Variants in HMCN1 observed in about 807,000 individuals in gnomAD.
HMCN1 encodes hemicentin-1.
HMCN1 carries 321 observed loss-of-function variants against 625.9 expected under a neutral mutation model. The observed-to-expected ratio is 0.51, with a 90% CI of 0.47 to 0.56. HMCN1 has a LOEUF of 0.56. Ranked by LOEUF, HMCN1 falls within the 20% of genes least tolerant of loss-of-function variation. The probability of loss-of-function intolerance (pLI) is 0.00; values close to 1 mark genes in which losing one functional copy is unlikely to be tolerated. For missense variants in HMCN1, 6,588 were observed against 6,887.3 expected (o/e 0.96, Z 1.54); for synonymous variants, 2,425 against 2,417.6 (o/e 1.00, Z -0.09).
At chr1:185,915,644 T>G (rs1352618553) in intron 6 of HMCN1, among the ~76,000 whole-genome samples, 1 of 152,050 alleles carries the variant, frequency 6.6e-6, no homozygotes, top group Non-Finnish European at 1.5e-5. Context: ...TATTTTGGTT[T>G]TGGATAGTTA....
chr1:185,845,349 C>T (rs1422964380), intron 1 of HMCN1, among the ~76,000 whole-genome samples: 2 of 152,162 alleles, frequency 1.3e-5, no homozygotes, highest in Admixed American at 1.3e-4. Flanking sequence ...TCCTGAGTAG[C>T]TGGGACTACA....
chr1:185,907,927 C>A (rs189040460), intron 4 of HMCN1, among the ~76,000 whole-genome samples: 3 of 151,662 alleles, frequency 2.0e-5, no homozygotes, highest in Non-Finnish European at 2.9e-5. Flanking sequence ...ATTTCATTGA[C>A]ATTAGTATAT....
At chr1:185,909,852 A>G (rs1197255341) in intron 5 of HMCN1, among the ~76,000 whole-genome samples, 1 of 152,134 alleles carries the variant, frequency 6.6e-6, no homozygotes, top group Non-Finnish European at 1.5e-5. Flanking sequence ...AGTATTTTAC[A>G]TTATTTTTAA....
intron 40 of HMCN1, among the ~76,000 whole-genome samples, chr1:186,044,440 C>G (rs1016963041): frequency 6.6e-5 from 10 of 152,122 alleles, no homozygotes; most frequent in Admixed American, 3.9e-4. Context: ...CATACCCTTT[C>G]CCTCTGTAGC....
chr1:185,884,607 A>G (rs1426520709), intron 4 of HMCN1, among the ~76,000 whole-genome samples: 5 of 151,960 alleles, frequency 3.3e-5, no homozygotes, highest in Non-Finnish European at 7.4e-5. Flanking sequence ...ATTTTGCCTA[A>G]TGGCTTTAGT....
At chr1:186,066,813 C>A (rs1290467525) in intron 49 of HMCN1, among the ~76,000 whole-genome samples, 1 of 152,102 alleles carries the variant, frequency 6.6e-6, no homozygotes, top group Admixed American at 6.6e-5. Flanking sequence ...TACTGGGTTC[C>A]CTAGTGTTCT....
At chr1:186,050,704 A>G (rs1656893463) in intron 42 of HMCN1, among the ~76,000 whole-genome samples, 1 of 152,050 alleles carries the variant, frequency 6.6e-6, no homozygotes. Context: ...GGAAAGCAGA[A>G]TGCAGTAGAT....
intron 1 of HMCN1, among the ~76,000 whole-genome samples, chr1:185,831,402 G>A (rs151220932): frequency 8.9e-4 from 135 of 152,222 alleles, no homozygotes; most frequent in African/African-American, 3.1e-3. Context: ...TTCATAACCT[G>A]ATAAAATGTA....
Position 186,061,824 on chromosome 1 carries a change from T to C in HMCN1, c.7313-27T>C, listed in dbSNP as rs776760087. 85 of 1,479,902 alleles carry C rather than the reference T, an allele frequency of 5.7e-5. No homozygotes were observed. In the South Asian group the frequency reaches 9.6e-4, roughly 17 times the overall value. 91.7% of individuals were successfully genotyped at this position (1,479,902 alleles called of 1,614,324 possible). ...AAGTTTCATTTTTCTTTTTAAGTTA[T>C]CTTAAAAAGATGGTTTGCTTCTGCA... On this transcript the variant is annotated intron_variant, in intron 46 of 106. Transcript: ENST00000271588.
At chr1:185,752,487 T>C (rs1432703693) in intron 1 of HMCN1, among the ~76,000 whole-genome samples, 2 of 152,164 alleles carry the variant, frequency 1.3e-5, no homozygotes, top group Non-Finnish European at 2.9e-5. Flanking sequence ...ATATTTCCCC[T>C]TATTCTTACA....
chr1:185,869,809 G>T (rs182598012), intron 4 of HMCN1, among the ~76,000 whole-genome samples: 1 of 152,146 alleles, frequency 6.6e-6, no homozygotes, highest in East Asian at 1.9e-4. Context: ...TGCTATACTG[G>T]TGTCTTCACA....
At chr1:186,138,367 T>C (rs572332498) in intron 89 of HMCN1, among the ~76,000 whole-genome samples, 162 of 152,294 alleles carry the variant, frequency 1.1e-3, no homozygotes, top group Non-Finnish European at 1.4e-3. Context: ...TAAATACGAA[T>C]CGCTGTCATT....
In HMCN1 at chr1:185,989,404, C is replaced by T. The variant is rs1652247781; in HGVS notation, c.3049-84C>T. 20 of 1,496,738 alleles carry T rather than the reference C, an allele frequency of 1.3e-5. No individual in the cohort carries two copies. The South Asian group carries it at 2.0e-4, about 15-fold the overall frequency. The allele number at this position is 1,496,738 out of a possible 1,614,324, so 92.7% of individuals were successfully genotyped here. On this transcript the variant is annotated intron_variant, in intron 20 of 106. Transcript: ENST00000271588. ...TTGGAGATGTTTTTTTCTCTCTATT[C>T]CTCTTCCAGACATTGTCACTCTTTT...
At chr1:186,028,199 A>G (rs1655187729) in intron 36 of HMCN1, among the ~76,000 whole-genome samples, 2 of 152,088 alleles carry the variant, frequency 1.3e-5, no homozygotes, top group South Asian at 4.1e-4. Context: ...CAATGTGTCA[A>G]GAAGAAGGTA....
chr1:186,112,784 G>T (rs141844911), intron 71 of HMCN1, 28 bp from the exon 72 acceptor site: 3 of 1,613,154 alleles, frequency 1.9e-6, no homozygotes, highest in Non-Finnish European at 2.5e-6. Flanking sequence ...ACATTTTAAC[G>T]GCAAATTTCT....
At chr1:186,094,514 G>C (rs1248076762) in intron 67 of HMCN1, 141 bp downstream of exon 67, 3 of 710,672 alleles carry the variant, frequency 4.2e-6, no homozygotes, top group Non-Finnish European at 7.6e-6. Context: ...TTACTGACTA[G>C]AGAATGTATT....
At chr1:186,093,927 C>G (rs1156383206) in intron 66 of HMCN1, among the ~76,000 whole-genome samples, 1 of 151,832 alleles carries the variant, frequency 6.6e-6, no homozygotes, top group Non-Finnish European at 1.5e-5. Context: ...ATATGTATTT[C>G]CAGGAATTAC....
chr1:186,125,789 G>A lies in HMCN1; in HGVS notation c.12685G>A (p.Val4229Ile). 1 of 1,612,192 alleles carries A rather than the reference G, an allele frequency of 6.2e-7. No individual in the cohort carries two copies. Among genetic ancestry groups the A allele is most frequent in the South Asian group, 1.1e-5 (1 of 91,018 alleles). The change falls in exon 82 of 107, where the codon GTT (valine) becomes ATT (isoleucine). Residue 4229 changes from valine (V) to isoleucine (I), a missense_variant. Val to Ile is a conservative substitution (Grantham distance 29). Transcript: ENST00000271588. ...EPYGELILEN[V>I]VLEDSGFYTC... ...ATATGGAGAACTCATTTTAGAAAAT[G>A]TTGTGGTAAGTTTAATGGACGTGAA...
At chr1:186,145,662 G>C (rs1339660528) in intron 92 of HMCN1, 89 bp downstream of exon 92, 2 of 1,611,260 alleles carry the variant, frequency 1.2e-6, no homozygotes, top group Non-Finnish European at 1.7e-6. Flanking sequence ...ACCTTAAAAT[G>C]AAAGTTGTAT....
Sources: allele counts gnomAD v4.1 joint callset (sites outside exome capture counted in the v4.1 genomes callset), GRCh38; gene constraint gnomAD v4.1.1; transcripts MANE v1.5; gene names NCBI Gene and HGNC (gene_info 2026-07-23, HGNC 2026-07-21).